Variants in C6orf62 observed in about 807,000 individuals in gnomAD.
The protein encoded by C6orf62 is uncharacterized protein C6orf62.
Under a neutral mutation model 26.8 loss-of-function variants are expected in C6orf62, and 16 were observed. The ratio of observed to expected loss-of-function variants is 0.60; its 90% CI spans 0.40 to 0.91. The LOEUF (loss-of-function observed/expected upper bound fraction) is 0.91, where lower values mean the gene tolerates loss of function less well. Among genes scored for constraint, C6orf62 ranks in the 40% least tolerant of loss-of-function variants. The probability of loss-of-function intolerance (pLI) is 0.00; values close to 1 mark genes in which losing one functional copy is unlikely to be tolerated. For synonymous variants in C6orf62, 112 were observed against 91.5 expected (o/e 1.22, Z -1.28); for missense variants, 192 against 271.4 (o/e 0.71, Z 2.06).
chr6:24,709,924 CAGT>C (rs1362570798), intron 3 of C6orf62: 1 of 985,284 alleles, frequency 1.0e-6, no homozygotes, highest in African/African-American at 1.7e-5. Flanking sequence ...ACGTCAAAAA[CAGT>C]AGGAAATAAT....
chr6:24,711,302 C>T (rs560274851), intron 3 of C6orf62, among the ~76,000 whole-genome samples: 6 of 151,974 alleles, frequency 3.9e-5, no homozygotes, highest in Non-Finnish European at 7.4e-5. Flanking sequence ...AGAAGTAATT[C>T]CCACAGAAGT....
upstream of C6orf62, chr6:24,720,031 C>G (rs1779323315): frequency 3.4e-6 from 5 of 1,490,494 alleles, no homozygotes; most frequent in Non-Finnish European, 4.5e-6. Flanking sequence ...ACCCTCCCCC[C>G]AAAAAATTAA....
At chr6:24,714,477 A>T in intron 2 of C6orf62, 37 bp from the exon 3 acceptor site, 1 of 1,496,564 alleles carries the variant, frequency 6.7e-7, no homozygotes, top group Non-Finnish European at 9.0e-7. Flanking sequence ...TTTACTTTTA[A>T]AGAAACAGCT....
rs115978250 is a variant in C6orf62 at position 24,718,771 on chromosome 6, G to A, written c.-103C>T. ...ACAGAAACAAGTCATTTTTTTTCCT[G>A]CTAATATGATTGATTAGCGAAAATC... On this transcript the variant is annotated 5_prime_UTR_variant, in exon 1 of 5. Coordinates refer to ENST00000378119, the MANE Select transcript of C6orf62 (RefSeq NM_030939.5). 1 of 1,566,772 alleles carries A rather than the reference G, an allele frequency of 6.4e-7. No homozygotes were observed. The highest frequency in any genetic ancestry group is 8.6e-7 in the Non-Finnish European group (1 of 1,165,090).
rs932112225 is a variant in C6orf62, at chr6:24,705,984, T to A, written c.*153A>T. 8.5e-7 allele frequency: 1 copy of A among 1,179,894 alleles called. No homozygotes were observed. Among genetic ancestry groups the A allele is most frequent in the African/African-American group, 1.5e-5 (1 of 65,078 alleles). 73.1% of individuals were successfully genotyped at this position (1,179,894 alleles called of 1,614,324 possible). On this transcript the variant is annotated 3_prime_UTR_variant, in exon 5 of 5. Coordinates refer to ENST00000378119, the MANE Select transcript of C6orf62 (RefSeq NM_030939.5). Reference sequence around the variant, plus strand: ...GTTTAAGTTCTGAGATAAAAATGATTTAAAAAAATCCAGGATGAACAAGTT... The same window carrying A: ...GTTTAAGTTCTGAGATAAAAATGATATAAAAAAATCCAGGATGAACAAGTT...
chr6:24,719,306 A>ATTGCTAT, upstream of C6orf62: 1 of 991,120 alleles, frequency 1.0e-6, no homozygotes, highest in Non-Finnish European at 1.2e-6. Flanking sequence ...AGATTTCACT[A>ATTGCTAT]TTGCTATGTA....
upstream of C6orf62, chr6:24,720,013 G>GGGGGGCCCCCCCCCC: frequency 6.8e-7 from 1 of 1,479,388 alleles, no homozygotes; most frequent in Non-Finnish European, 9.0e-7. Flanking sequence ...TCTAAAGTAA[G>GGGGGGCCCCCCCCCC]CCCACCCACC....
chr6:24,717,173 T>C (rs76780470), intron 1 of C6orf62, among the ~76,000 whole-genome samples: 5,194 of 152,340 alleles, frequency 0.034, 206 homozygotes, highest in African/African-American at 0.096. Flanking sequence ...GCATGGACAC[T>C]GTCCATTCAC....
chr6:24,711,212 A>C (rs1042062405), intron 3 of C6orf62, among the ~76,000 whole-genome samples: 2 of 152,008 alleles, frequency 1.3e-5, no homozygotes, highest in East Asian at 1.9e-4. Context: ...TATCATATTG[A>C]ATATCCACTT....
At chr6:24,716,966 GCC>G (rs1231226034) in intron 1 of C6orf62, among the ~76,000 whole-genome samples, 2 of 151,882 alleles carry the variant, frequency 1.3e-5, no homozygotes, top group Admixed American at 1.3e-4. Context: ...CAAGTGATCC[GCC>G]TGCCTCAGCC....
At chr6:24,708,947 A>G (rs760503898) in intron 3 of C6orf62, 36 bp from the exon 4 acceptor site, 2 of 1,612,986 alleles carry the variant, frequency 1.2e-6, no homozygotes, top group African/African-American at 2.7e-5. Context: ...TTAAACTACA[A>G]ACAAGTTATA....
In C6orf62 at chr6:24,709,020, T is replaced by C. The variant is rs1227812887; in HGVS notation, c.430-109A>G. 9 of 1,497,186 alleles carry C rather than the reference T, an allele frequency of 6.0e-6. No individual in the cohort carries two copies. In the East Asian group the frequency reaches 1.9e-4, roughly 32 times the overall value. The allele number at this position is 1,497,186 out of a possible 1,614,324, so 92.7% of individuals were successfully genotyped here. On this transcript the variant is annotated intron_variant, in intron 3 of 4. Transcript: ENST00000378119. The stretch of plus-strand genomic sequence containing the variant: ...ATAAAGCAGCCAACAGTCCGTTATC[T>C]TTTCCTCTTTAAAAAAACAAATTTT...
chr6:24,718,099 A>G (rs1779270064), intron 1 of C6orf62, among the ~76,000 whole-genome samples: 1 of 152,220 alleles, frequency 6.6e-6, no homozygotes, highest in Non-Finnish European at 1.5e-5. Context: ...CATTAAATGT[A>G]AGAGAAAAGG....
At chr6:24,714,744 T>C (rs188700333) in intron 2 of C6orf62, among the ~76,000 whole-genome samples, 3 of 152,264 alleles carry the variant, frequency 2.0e-5, no homozygotes, top group Admixed American at 2.0e-4. Context: ...GCCTCCCGAA[T>C]GGCTGGGATT....
At chr6:24,714,515 G>A (rs939330854) in intron 2 of C6orf62, 75 bp from the exon 3 acceptor site, 7 of 1,132,538 alleles carry the variant, frequency 6.2e-6, no homozygotes, top group Admixed American at 2.5e-5. Context: ...AAATTATAGG[G>A]TTCCCCTATA....
chr6:24,708,816 G>A lies in C6orf62; in HGVS notation c.525C>T (p.Asn175=). ...TGTCAATGAAGAGAAACACTGACTG[G>A]TTAGGATTGTTGACAACGATTCCAG... is the stretch of plus-strand genomic sequence containing the variant. ...DKTGIVVNNP[N]QSVFLFIDRQ... Residue 175 remains asparagine, a synonymous_variant, in exon 4 of 5, where the codon AAC becomes AAT. Transcript: ENST00000378119. The A allele has an allele frequency of 6.2e-7, 1 of 1,614,166 alleles. No individual in the cohort carries two copies. Among genetic ancestry groups the A allele is most frequent in the South Asian group, 1.1e-5 (1 of 91,084 alleles).
At chr6:24,719,525 G>A, upstream of C6orf62, 1 of 1,160,978 alleles carries the variant, frequency 8.6e-7, no homozygotes, top group East Asian at 5.5e-5. Flanking sequence ...CCCTCAGGCG[G>A]CTGCTAACGC....
chr6:24,719,883 C>T (rs1779319404), upstream of C6orf62: 3 of 1,548,306 alleles, frequency 1.9e-6, no homozygotes, highest in Middle Eastern at 3.3e-4. Flanking sequence ...GACACAGGAT[C>T]ACTCAGGTTT....
chr6:24,715,127 T>C (rs890978243), intron 2 of C6orf62, among the ~76,000 whole-genome samples: 31 of 152,240 alleles, frequency 2.0e-4, no homozygotes, highest in African/African-American at 7.5e-4. Flanking sequence ...CACTATCCTA[T>C]TATAGCTGAA....
Sources: gnomAD v4.1 joint callset for allele counts (sites outside exome capture counted in the v4.1 genomes callset) on GRCh38, gnomAD v4.1.1 for gene constraint, MANE v1.5 for transcripts, NCBI Gene and HGNC (gene_info 2026-07-23, HGNC 2026-07-21) for gene names.